The following FBXL17 variants were observed in gnomAD, a reference collection of about 807,000 sequenced individuals.
FBXL17 encodes the protein F-box and leucine rich repeat protein 17, also known as F-box/LRR-repeat protein 17.
Under a neutral mutation model 66.2 loss-of-function variants are expected in FBXL17, and 22 were observed. That is an observed-to-expected ratio of 0.33 (90% CI 0.24 to 0.47). FBXL17 has a LOEUF of 0.47. Ranked by LOEUF, FBXL17 falls within the 20% of genes least tolerant of loss-of-function variation. The pLI is 1.00. For missense variants in FBXL17, 878 were observed against 948.2 expected, an observed-to-expected ratio of 0.93 and a Z score of 0.97; for synonymous variants, 474 against 400.5, an observed-to-expected ratio of 1.18 and a Z score of -2.19.
chr5:107,954,095 G>T (rs1346614751), intron 7 of FBXL17, among the ~76,000 whole-genome samples: 1 of 152,152 alleles, frequency 6.6e-6, no homozygotes, highest in East Asian at 1.9e-4. Flanking sequence ...TCTAAAACAT[G>T]AATAAAATGC....
At chr5:108,136,198 A>G (rs1751126496) in intron 6 of FBXL17, among the ~76,000 whole-genome samples, 1 of 152,058 alleles carries the variant, frequency 6.6e-6, no homozygotes, top group Admixed American at 6.6e-5. Context: ...AAGACCTTAA[A>G]CCTTCTTTTT....
intron 4 of FBXL17, among the ~76,000 whole-genome samples, chr5:108,285,764 T>C (rs994747596): frequency 6.6e-6 from 1 of 151,456 alleles, no homozygotes; most frequent in Non-Finnish European, 1.5e-5. Flanking sequence ...CTACAAACAG[T>C]GGACTTTACA....
intron 5 of FBXL17, among the ~76,000 whole-genome samples, chr5:108,196,945 T>C (rs1753704735): frequency 1.3e-5 from 2 of 152,184 alleles, no homozygotes; most frequent in South Asian, 4.1e-4. Flanking sequence ...TTTTGAGTAG[T>C]TCACCAAAAT....
chr5:108,232,790 T>TATTATATATATATATATATATATATATTA (rs1554077834), intron 4 of FBXL17, among the ~76,000 whole-genome samples: 7 of 121,572 alleles, frequency 5.8e-5, no homozygotes, highest in Non-Finnish European at 1.2e-4. Context: ...CACATATATA[T>TATTATATATATATATATATATATATATTA]ATATATATAT....
At position 107,889,462 on chromosome 5, in the gene FBXL17, A is replaced by C. The variant is rs148120072; in HGVS notation, c.1823-8283T>G. Among the ~76,000 whole-genome samples, 23 of 152,334 alleles carry C rather than the reference A, an allele frequency of 1.5e-4. No homozygotes were observed. In the East Asian group the frequency reaches 3.9e-3, roughly 26 times the overall value. On this transcript the variant is annotated intron_variant, in intron 7 of 8. Coordinates refer to ENST00000542267, the MANE Select transcript of FBXL17 (RefSeq NM_001163315.3). ...TTGCCCATCAATGGTAGATAACATT[A>C]GAGACTAAAAATTTGAATTGTGCTA... is the stretch of plus-strand genomic sequence containing the variant.
intron 4 of FBXL17, among the ~76,000 whole-genome samples, chr5:108,267,412 T>C (rs1167403122): frequency 1.3e-5 from 2 of 152,124 alleles, no homozygotes; most frequent in Non-Finnish European, 2.9e-5. Context: ...CAAATTTAGG[T>C]GGTCTGAAAT....
chr5:107,946,874 T>G (rs1412576283), intron 7 of FBXL17, among the ~76,000 whole-genome samples: 1 of 152,174 alleles, frequency 6.6e-6, no homozygotes, highest in Non-Finnish European at 1.5e-5. Flanking sequence ...GCTTAGCAAT[T>G]AGCAGGAATG....
chr5:108,047,343 C>T (rs965287994), intron 6 of FBXL17, among the ~76,000 whole-genome samples: 1 of 152,198 alleles, frequency 6.6e-6, no homozygotes, highest in Non-Finnish European at 1.5e-5. Context: ...ACCTACACCA[C>T]GGGGACCTAG....
At chr5:108,374,976 A>G (rs1749318998) in intron 1 of FBXL17, among the ~76,000 whole-genome samples, 1 of 152,112 alleles carries the variant, frequency 6.6e-6, no homozygotes, top group African/African-American at 2.4e-5. Flanking sequence ...CTAAGCAGAA[A>G]CAAGGGGGAA....
At chr5:108,219,505 G>A (rs1256499887) in intron 5 of FBXL17, among the ~76,000 whole-genome samples, 1 of 152,032 alleles carries the variant, frequency 6.6e-6, no homozygotes, top group African/African-American at 2.4e-5. Flanking sequence ...GGCTAACATG[G>A]TGAAACCCCG....
Position 108,275,068 on chromosome 5 carries a change from C to T in FBXL17, c.1507-50840G>A, listed in dbSNP as rs562542375. ...TTCCTTACCAGAATGAATGCTCATC[C>T]ACAAATAACTAACTCAGAATTCAAT... On this transcript the variant is annotated intron_variant, in intron 4 of 8. Coordinates refer to ENST00000542267, the MANE Select transcript of FBXL17 (RefSeq NM_001163315.3). Among the ~76,000 whole-genome samples the T allele has an allele frequency of 4.6e-5, 7 of 152,268 alleles. No homozygotes were observed. The East Asian group carries it at 1.2e-3, about 25-fold the overall frequency.
At chr5:108,159,923 T>C (rs1169839006) in intron 6 of FBXL17, among the ~76,000 whole-genome samples, 1 of 152,156 alleles carries the variant, frequency 6.6e-6, no homozygotes, top group African/African-American at 2.4e-5. Flanking sequence ...TATTTTCTCA[T>C]TAGGAGAGTA....
intron 7 of FBXL17, among the ~76,000 whole-genome samples, chr5:107,896,578 T>C (rs1749390790): frequency 6.6e-6 from 1 of 152,180 alleles, no homozygotes; most frequent in Non-Finnish European, 1.5e-5. Flanking sequence ...GTCTATTTTT[T>C]TATCATGTTT....
intron 7 of FBXL17, among the ~76,000 whole-genome samples, chr5:107,999,837 A>C (rs1393153142): frequency 1.3e-5 from 2 of 152,222 alleles, no homozygotes; most frequent in South Asian, 4.1e-4. Flanking sequence ...TTGGTGCTTA[A>C]GTGTGATCTA....
intron 4 of FBXL17, among the ~76,000 whole-genome samples, chr5:108,303,539 A>T (rs1001933442): frequency 1.6e-4 from 24 of 151,940 alleles, no homozygotes; most frequent in Admixed American, 1.4e-3. Context: ...GACTTTGCTG[A>T]ACTACCACAT....
At chr5:107,984,976 A>T (rs1752963537) in intron 7 of FBXL17, among the ~76,000 whole-genome samples, 1 of 152,214 alleles carries the variant, frequency 6.6e-6, no homozygotes, top group South Asian at 2.1e-4. Flanking sequence ...AGAATGAATT[A>T]GTATGGTGTA....
intron 6 of FBXL17, among the ~76,000 whole-genome samples, chr5:108,021,954 T>A (rs1239191956): frequency 6.6e-6 from 1 of 151,902 alleles, no homozygotes; most frequent in Non-Finnish European, 1.5e-5. Context: ...ATCAAAAAAT[T>A]ACTCAGTATC....
chr5:108,207,861 T>G (rs559444630), intron 5 of FBXL17, among the ~76,000 whole-genome samples: 7 of 152,310 alleles, frequency 4.6e-5, no homozygotes, highest in African/African-American at 1.4e-4. Context: ...CTGGGTCAAA[T>G]GGTATTTCTA....
chr5:108,311,706 A>T (rs947242838), intron 4 of FBXL17, among the ~76,000 whole-genome samples: 2 of 152,182 alleles, frequency 1.3e-5, no homozygotes, highest in African/African-American at 4.8e-5. Context: ...AAAAAAAGAT[A>T]GATTTGCTCT....
Sources: allele counts gnomAD v4.1 joint callset (sites outside exome capture counted in the v4.1 genomes callset), GRCh38; gene constraint gnomAD v4.1.1; transcripts MANE v1.5; gene names NCBI Gene and HGNC (gene_info 2026-07-23, HGNC 2026-07-21).